Variants in ZNF892 observed in about 807,000 individuals in gnomAD.
ZNF892 encodes zinc finger protein 570-like.
At chr2:95,209,857 A>G in the ZNF892 span, among the ~76,000 whole-genome samples, 1 of 152,150 alleles carries the variant, frequency 6.6e-6, no homozygotes, top group African/African-American at 2.4e-5. Flanking sequence ...TGTGCTGATC[A>G]TTCCTGAGGC....
chr2:95,248,694 C>G, the ZNF892 span, among the ~76,000 whole-genome samples: 2 of 152,010 alleles, frequency 1.3e-5, no homozygotes, highest in East Asian at 3.9e-4. Flanking sequence ...AATTTTATAT[C>G]AGCACATTTT....
chr2:95,248,030 A>T, the ZNF892 span, among the ~76,000 whole-genome samples: 1 of 152,210 alleles, frequency 6.6e-6, no homozygotes, highest in Non-Finnish European at 1.5e-5. Flanking sequence ...AAAAAGACAC[A>T]CACACTCATA....
the ZNF892 span, among the ~76,000 whole-genome samples, chr2:95,241,844 A>G: frequency 2.6e-5 from 4 of 152,176 alleles, no homozygotes; most frequent in Non-Finnish European, 5.9e-5. Flanking sequence ...AGGACTTCAC[A>G]ATACAGTTAC....
At chr2:95,212,314 A>T in the ZNF892 span, 1 of 398,458 alleles carries the variant, frequency 2.5e-6, no homozygotes, top group Non-Finnish European at 4.4e-6. Flanking sequence ...AGTAAAACCC[A>T]GATTGTCAAT....
chr2:95,224,513 T>C, the ZNF892 span, among the ~76,000 whole-genome samples: 2 of 152,128 alleles, frequency 1.3e-5, no homozygotes, highest in South Asian at 4.1e-4. Flanking sequence ...CAGGCTCATC[T>C]TACATGGCCA....
chr2:95,213,961 C>G, the ZNF892 span, among the ~76,000 whole-genome samples: 1 of 152,158 alleles, frequency 6.6e-6, no homozygotes, highest in East Asian at 1.9e-4. Flanking sequence ...GACCATCTTT[C>G]TCTGATCCTA....
the ZNF892 span, among the ~76,000 whole-genome samples, chr2:95,231,018 A>G: frequency 2.0e-5 from 3 of 152,210 alleles, no homozygotes; most frequent in East Asian, 3.9e-4. Context: ...TGCTACTACC[A>G]CTTTGGAAAA....
chr2:95,221,124 T>C, the ZNF892 span, among the ~76,000 whole-genome samples: 1 of 152,210 alleles, frequency 6.6e-6, no homozygotes, highest in African/African-American at 2.4e-5. Flanking sequence ...AATGCCTACT[T>C]GAGAATGATT....
the ZNF892 span, chr2:95,207,436 G>T: frequency 2.3e-5 from 4 of 176,846 alleles, no homozygotes; most frequent in East Asian, 3.0e-4. Context: ...GCAGCCCCGG[G>T]AGCAGGTGGC....
the ZNF892 span, among the ~76,000 whole-genome samples, chr2:95,249,390 G>A: frequency 1.2e-4 from 18 of 148,170 alleles, no homozygotes; most frequent in Admixed American, 1.3e-4. Context: ...ACAGGCGCCC[G>A]CCACCACTCC....
At chr2:95,252,613 G>C in the ZNF892 span, among the ~76,000 whole-genome samples, 2 of 152,152 alleles carry the variant, frequency 1.3e-5, no homozygotes, top group Admixed American at 1.3e-4. Flanking sequence ...TAATGGGATT[G>C]CTGGGTCAAA....
chr2:95,231,517 A>G, the ZNF892 span, among the ~76,000 whole-genome samples: 1 of 152,220 alleles, frequency 6.6e-6, no homozygotes, highest in Non-Finnish European at 1.5e-5. Flanking sequence ...TACATATGCA[A>G]TGTATATAAA....
At chr2:95,255,443 A>G in the ZNF892 span, among the ~76,000 whole-genome samples, 1 of 152,130 alleles carries the variant, frequency 6.6e-6, no homozygotes, top group African/African-American at 2.4e-5. Context: ...GGTCTGAGAG[A>G]AAGTTTGTTA....
chr2:95,252,794 G>T, the ZNF892 span, among the ~76,000 whole-genome samples: 1 of 152,170 alleles, frequency 6.6e-6, no homozygotes, highest in Non-Finnish European at 1.5e-5. Context: ...GGTGTGAGAT[G>T]GTATCTCATT....
the ZNF892 span, among the ~76,000 whole-genome samples, chr2:95,218,069 A>G: frequency 4.6e-5 from 7 of 152,222 alleles, no homozygotes; most frequent in Admixed American, 2.0e-4. Context: ...CTTTAGTGCC[A>G]GGTGGCTGTG....
At chr2:95,228,633 G>A in the ZNF892 span, among the ~76,000 whole-genome samples, 2 of 152,116 alleles carry the variant, frequency 1.3e-5, no homozygotes, top group Admixed American at 1.3e-4. Flanking sequence ...TTCCATTGAT[G>A]ATACTTGCCT....
chr2:95,233,482 G>T, the ZNF892 span, among the ~76,000 whole-genome samples: 1 of 151,026 alleles, frequency 6.6e-6, no homozygotes, highest in East Asian at 2.0e-4. Context: ...GACCATCCTG[G>T]CTAACACGGT....
At chr2:95,245,907 A>T in the ZNF892 span, among the ~76,000 whole-genome samples, 6 of 152,330 alleles carry the variant, frequency 3.9e-5, no homozygotes, top group East Asian at 1.2e-3. Flanking sequence ...CCAGGACCAG[A>T]CATATTCACA....
the ZNF892 span, among the ~76,000 whole-genome samples, chr2:95,207,308 C>T: frequency 6.6e-6 from 1 of 152,218 alleles, no homozygotes; most frequent in African/African-American, 2.4e-5. Flanking sequence ...GGGTTTGGCG[C>T]GGCCACCGCC....
Sources: allele counts gnomAD v4.1 joint callset (sites outside exome capture counted in the v4.1 genomes callset), GRCh38; gene constraint gnomAD v4.1.1; transcripts MANE v1.5; gene names NCBI Gene and HGNC (gene_info 2026-07-23, HGNC 2026-07-21).